NHSL1: variants seen among roughly 807,000 people sequenced by gnomAD.
NHSL1 encodes the protein NHS like 1, also known as NHS-like protein 1.
Under a neutral mutation model 95.0 loss-of-function variants are expected in NHSL1, and 48 were observed. The observed-to-expected ratio is 0.51, with a 90% CI of 0.40 to 0.64. The LOEUF is 0.64. NHSL1 is among the 30% of genes least tolerant of loss of function. The pLI is 0.00. For missense variants in NHSL1, 1,971 were observed against 2,077.7 expected, an observed-to-expected ratio of 0.95 and a Z score of 1.00; for synonymous variants, 783 against 833.9, an observed-to-expected ratio of 0.94 and a Z score of 1.05.
chr6:138,650,754 A>ACTTT, intron 1 of NHSL1: 1 of 545,328 alleles, frequency 1.8e-6, no homozygotes, highest in South Asian at 1.4e-5. Flanking sequence ...CTCCTTCACA[A>ACTTT]CTTTCTTCAG....
chr6:138,433,514 C>T lies in NHSL1; in HGVS notation c.831G>A (p.Arg277=). Residue 277 remains arginine, a synonymous_variant, in exon 6 of 8, where the codon AGG becomes AGA. Transcript: ENST00000343505. ...CTTGCCCCTTCTGTGCCCTGATTCT[C>T]CTCATGGAAGGTGGTACGACCTTCA... The part of the protein sequence containing the change: ...EDVKVVPPSM[R]RIRAQKGQGI... 3 of 1,552,000 alleles carry T rather than the reference C, an allele frequency of 1.9e-6. No homozygotes were observed. Among genetic ancestry groups the T allele is most frequent in the African/African-American group, 1.4e-5 (1 of 73,150 alleles).
chr6:138,610,401 G>GT (rs1784494013), intron 1 of NHSL1, among the ~76,000 whole-genome samples: 1 of 151,890 alleles, frequency 6.6e-6, no homozygotes, highest in Non-Finnish European at 1.5e-5. Context: ...GGAGTGGGGG[G>GT]AGCGGGGAGG....
At chr6:138,670,652 C>CGA in intron 1 of NHSL1, among the ~76,000 whole-genome samples, 1 of 119,952 alleles carries the variant, frequency 8.3e-6, no homozygotes, top group African/African-American at 3.2e-5. Flanking sequence ...GGCGACAAAG[C>CGA]GAGACTCCGT....
upstream of NHSL1, among the ~76,000 whole-genome samples, chr6:138,573,164 G>A (rs1327354036): frequency 2.6e-5 from 4 of 152,180 alleles, no homozygotes; most frequent in Non-Finnish European, 4.4e-5. Context: ...AGCTACGCTA[G>A]TGGCACTTAG....
Position 138,432,487 on chromosome 6 carries a change from C to A in NHSL1, c.1858G>T (p.Gly620Trp). The change falls in exon 6 of 8, where the codon GGG becomes TGG. Residue 620 changes from glycine to tryptophan, a missense_variant. Physicochemically the swap from Gly to Trp is radical, Grantham distance 184. Transcript: ENST00000343505. The surrounding 1 kb of genome is among the most constrained non-coding windows in gnomAD (Gnocchi z 4.4). ...SVHTDSGHGS[G>W]NLCNSSDGFG... is the part of the protein sequence containing the mutation. ...CCATCACTGCTATTGCACAGATTCC[C>A]AGATCCATGTCCAGAGTCAGTGTGC... 1 of 1,552,280 alleles carries A rather than the reference C, an allele frequency of 6.4e-7. No individual in the cohort carries two copies.
chr6:138,672,045 G>A (rs576377855), intron 1 of NHSL1, among the ~76,000 whole-genome samples: 14 of 152,058 alleles, frequency 9.2e-5, no homozygotes, highest in Admixed American at 8.5e-4. Flanking sequence ...AGCAAAAGGA[G>A]CGTAATGTTT....
intron 2 of NHSL1, among the ~76,000 whole-genome samples, chr6:138,486,621 A>G (rs568383690): frequency 1.1e-4 from 16 of 151,848 alleles, no homozygotes; most frequent in Non-Finnish European, 1.6e-4. Flanking sequence ...TCCATCCCCA[A>G]TCTCATCACT....
chr6:138,616,744 G>A (rs1784584515), intron 1 of NHSL1, among the ~76,000 whole-genome samples: 2 of 152,108 alleles, frequency 1.3e-5, no homozygotes, highest in South Asian at 4.1e-4. Flanking sequence ...TAGAATTTTT[G>A]AAACAAGTCT....
intron 1 of NHSL1, among the ~76,000 whole-genome samples, chr6:138,578,431 C>G (rs957652837): frequency 6.6e-6 from 1 of 152,054 alleles, no homozygotes; most frequent in African/African-American, 2.4e-5. Context: ...AGTACATAAC[C>G]AAAAATGCAA....
At chr6:138,568,134 T>G (rs900985423) in intron 1 of NHSL1, among the ~76,000 whole-genome samples, 4 of 152,218 alleles carry the variant, frequency 2.6e-5, no homozygotes, top group Admixed American at 2.6e-4. Context: ...CTTGTTCAGT[T>G]AAATGCTAAC....
intron 1 of NHSL1, among the ~76,000 whole-genome samples, chr6:138,537,136 T>G (rs1782386189): frequency 2.0e-5 from 3 of 152,234 alleles, no homozygotes; most frequent in Non-Finnish European, 4.4e-5. Context: ...TCTTGAGCAG[T>G]TCAAATCTTG....
At chr6:138,613,633 T>G (rs1163302730) in intron 1 of NHSL1, among the ~76,000 whole-genome samples, 2 of 152,310 alleles carry the variant, frequency 1.3e-5, no homozygotes, top group South Asian at 2.1e-4. Context: ...ATAAACGGAC[T>G]GCCCTGCATC....
At chr6:138,558,967 T>G (rs1421624274) in intron 1 of NHSL1, among the ~76,000 whole-genome samples, 1 of 152,140 alleles carries the variant, frequency 6.6e-6, no homozygotes, top group Non-Finnish European at 1.5e-5. Context: ...GGAGAATTCC[T>G]TAAGCCCTAG....
rs1775518298 is a variant in NHSL1 at position 138,429,906 on chromosome 6, G to A, written c.3953-63C>T. ...GACTGGAATTTCAGTCCTCAGCCAA[G>A]CTTCTAAATATGCTGCTTCCCTGCC... On this transcript the variant is annotated intron_variant, in intron 6 of 7. Transcript: ENST00000343505. 8.7e-6 allele frequency: 13 copies of A among 1,485,920 alleles called. No individual in the cohort carries two copies. In the South Asian group the frequency reaches 1.6e-4, roughly 18 times the overall value. 92.0% of individuals were successfully genotyped at this position (1,485,920 alleles called of 1,614,324 possible).
In NHSL1 at chr6:138,514,291, C is replaced by T. The variant is rs1012025330; in HGVS notation, c.17-17920G>A. On this transcript the variant is annotated intron_variant, in intron 1 of 4. Transcript: ENST00000342260. ...CGAGATCACGCCACTGCACTCCAGC[C>T]TGGGTGACAGAGCAAGACTCCATCT... Among the ~76,000 whole-genome samples the T allele has an allele frequency of 4.6e-5, 7 of 151,720 alleles. 1 individual carries two copies. The highest frequency in any genetic ancestry group is 1.3e-4 in the Admixed American group (2 of 15,208).
chr6:138,588,426 C>T (rs565981003), intron 1 of NHSL1, among the ~76,000 whole-genome samples: 78 of 152,346 alleles, frequency 5.1e-4, no homozygotes, highest in African/African-American at 1.8e-3. Context: ...CACGCTATTG[C>T]TCTCCAGTCT....
At chr6:138,653,556 G>A (rs6911219) in intron 1 of NHSL1, among the ~76,000 whole-genome samples, 6,360 of 150,928 alleles carry the variant, frequency 0.042, 352 homozygotes, top group African/African-American at 0.13. Context: ...GCAAGACTCC[G>A]TCTCAAAAAA....
chr6:138,620,986 G>C (rs1216259519), intron 1 of NHSL1, among the ~76,000 whole-genome samples: 3 of 152,170 alleles, frequency 2.0e-5, no homozygotes, highest in East Asian at 3.9e-4. Flanking sequence ...GAGGGGACAT[G>C]CTGTAGGACT....
At chr6:138,581,651 C>T (rs1784057872) in intron 1 of NHSL1, among the ~76,000 whole-genome samples, 1 of 144,682 alleles carries the variant, frequency 6.9e-6, no homozygotes, top group African/African-American at 2.6e-5. Context: ...GAGATCATGC[C>T]ACCGTACTCT....
Sources: allele counts gnomAD v4.1 joint callset (sites outside exome capture counted in the v4.1 genomes callset), GRCh38; gene constraint gnomAD v4.1.1; non-coding constraint Gnocchi (gnomAD v3.1); transcripts MANE v1.5; gene names NCBI Gene and HGNC (gene_info 2026-07-23, HGNC 2026-07-21).